TTC29: variants seen among roughly 807,000 people sequenced by gnomAD.
TTC29 encodes the protein tetratricopeptide repeat domain 29.
TTC29 carries 49 observed loss-of-function variants against 58.1 expected under a neutral mutation model. The observed-to-expected ratio is 0.84, with a 90% CI of 0.67 to 1.07. TTC29 has a LOEUF of 1.07. TTC29 is among the 50% of genes least tolerant of loss of function. The pLI, the probability that TTC29 is intolerant of heterozygous loss-of-function variation, is 0.00. For synonymous variants in TTC29, 209 were observed against 196.8 expected, an observed-to-expected ratio of 1.06 and a Z score of -0.52; for missense variants, 582 against 555.6, an observed-to-expected ratio of 1.05 and a Z score of -0.48.
At chr4:146,926,418 C>T (rs937785778) in intron 4 of TTC29, among the ~76,000 whole-genome samples, 2 of 151,812 alleles carry the variant, frequency 1.3e-5, no homozygotes, top group East Asian at 1.9e-4. Flanking sequence ...TATTTATTTG[C>T]CTTCTATTTT....
At chr4:146,780,302 GGTGTGTGTGTGTGTGTGTGTGT>G (rs57951745) in intron 11 of TTC29, among the ~76,000 whole-genome samples, 5 of 138,542 alleles carry the variant, frequency 3.6e-5, no homozygotes, top group Middle Eastern at 3.7e-3. Context: ...CCTAACTTGG[GGTGTGTGTGTGTGTGTGTGTGT>G]GTGTGTGTGT....
At position 146,797,832 on chromosome 4, in the gene TTC29, TTATATA is replaced by T. The variant is rs70958528; in HGVS notation, c.1330+5619_1330+5624del. Among the ~76,000 whole-genome samples, 598 of 130,048 alleles carry T rather than the reference TTATATA, an allele frequency of 4.6e-3. 9 individuals are homozygous for T. Among genetic ancestry groups the T allele is most frequent in the African/African-American group, 0.016 (554 of 34,590 alleles). The allele number at this position is 130,048 out of a possible 152,430, so 85.3% of individuals were successfully genotyped here. A position where few individuals can be genotyped will look rare whatever the true frequency, so the allele number is the denominator to read the frequency against. ...ACAACTGGCCACTGATTACTTTGTT[TTATATA>T]TATATATATATATATATATATATTC... On this transcript the variant is annotated intron_variant, in intron 11 of 12. Coordinates refer to ENST00000325106, the MANE Select transcript of TTC29 (RefSeq NM_031956.4).
chr4:146,939,257 C>T (rs1055911904), intron 3 of TTC29, among the ~76,000 whole-genome samples: 18 of 152,140 alleles, frequency 1.2e-4, no homozygotes, highest in Non-Finnish European at 2.6e-4. Context: ...GAGTTCAAGA[C>T]CAGCCTGACC....
At chr4:146,935,417 A>G (rs186269423) in intron 4 of TTC29, among the ~76,000 whole-genome samples, 45 of 152,312 alleles carry the variant, frequency 3.0e-4, no homozygotes, top group African/African-American at 1.0e-3. Context: ...ATTTGAGGAT[A>G]TATCTTAGAC....
chr4:146,858,594 A>C, intron 8 of TTC29, among the ~76,000 whole-genome samples: 1 of 152,222 alleles, frequency 6.6e-6, no homozygotes, highest in Non-Finnish European at 1.5e-5. Context: ...GTGATTTCAT[A>C]GATGTATGAT....
At chr4:146,728,860 C>CATATATGTGTATATATATACAT (rs1744101369) in intron 11 of TTC29, among the ~76,000 whole-genome samples, 2 of 62,022 alleles carry the variant, frequency 3.2e-5, no homozygotes, top group African/African-American at 8.7e-5. Context: ...TATATATACA[C>CATATATGTGTATATATATACAT]ATATATATGT....
intron 4 of TTC29, among the ~76,000 whole-genome samples, chr4:146,910,602 T>C (rs1353931025): frequency 6.6e-6 from 1 of 152,038 alleles, no homozygotes; most frequent in Non-Finnish European, 1.5e-5. Flanking sequence ...AAGTTTGGAC[T>C]CCAAGCTGGG....
At chr4:146,745,975 A>G (rs568354724) in intron 11 of TTC29, among the ~76,000 whole-genome samples, 16 of 152,250 alleles carry the variant, frequency 1.1e-4, no homozygotes, top group Admixed American at 5.9e-4. Flanking sequence ...CAACAGGAAA[A>G]CCTATTTGCA....
chr4:146,885,411 G>A (rs1191435339), intron 6 of TTC29, among the ~76,000 whole-genome samples: 1 of 151,864 alleles, frequency 6.6e-6, no homozygotes, highest in South Asian at 2.1e-4. Context: ...ATTCTATTCT[G>A]TTATATATCC....
intron 6 of TTC29, among the ~76,000 whole-genome samples, chr4:146,879,410 T>TATTA (rs35446383): frequency 0.18 from 28,049 of 151,974 alleles, 4,046 homozygotes; most frequent in African/African-American, 0.4. Flanking sequence ...ACGGTTCTGA[T>TATTA]ATTAAGACTA....
intron 11 of TTC29, among the ~76,000 whole-genome samples, chr4:146,708,894 T>G (rs191778755): frequency 2.0e-5 from 3 of 152,254 alleles, no homozygotes; most frequent in South Asian, 2.1e-4. Context: ...CCATTTTTGT[T>G]ATTGATTTTC....
chr4:146,942,907 A>G, intron 2 of TTC29: 1 of 307,244 alleles, frequency 3.3e-6, no homozygotes, highest in Non-Finnish European at 5.9e-6. Context: ...AATTTCCTTG[A>G]ATACTAAGAA....
chr4:146,929,942 A>G (rs1371277705), intron 4 of TTC29, among the ~76,000 whole-genome samples: 1 of 151,632 alleles, frequency 6.6e-6, no homozygotes, highest in Non-Finnish European at 1.5e-5. Context: ...AGTGGTATGT[A>G]GAAAATTGGG....
chr4:146,816,468 A>T (rs1386944439), intron 10 of TTC29, among the ~76,000 whole-genome samples: 1 of 152,130 alleles, frequency 6.6e-6, no homozygotes, highest in Non-Finnish European at 1.5e-5. Context: ...GCAAAACCTG[A>T]GCACAGCTAG....
At chr4:146,845,864 C>T (rs1729134663) in intron 8 of TTC29, among the ~76,000 whole-genome samples, 1 of 152,070 alleles carries the variant, frequency 6.6e-6, no homozygotes, top group Admixed American at 6.6e-5. Context: ...GCTATTCTAG[C>T]ACTCACCACA....
At chr4:146,906,400 TG>T (rs1386698427) in intron 5 of TTC29, among the ~76,000 whole-genome samples, 1 of 152,246 alleles carries the variant, frequency 6.6e-6, no homozygotes, top group Non-Finnish European at 1.5e-5. Flanking sequence ...CCTAGAGTGA[TG>T]GTTCTTCCAA....
At chr4:146,726,889 A>T (rs1454547281) in intron 11 of TTC29, among the ~76,000 whole-genome samples, 1 of 152,066 alleles carries the variant, frequency 6.6e-6, no homozygotes, top group Non-Finnish European at 1.5e-5. Flanking sequence ...TACTTTAAAA[A>T]TTAAAAAATT....
chr4:146,789,364 A>G (rs1197875622), intron 11 of TTC29, among the ~76,000 whole-genome samples: 1 of 152,200 alleles, frequency 6.6e-6, no homozygotes, highest in Non-Finnish European at 1.5e-5. Context: ...AAGCCCCTTC[A>G]TTAGAGATTC....
intron 11 of TTC29, among the ~76,000 whole-genome samples, chr4:146,776,491 G>A (rs1466372258): frequency 6.7e-6 from 1 of 149,950 alleles, no homozygotes; most frequent in East Asian, 2.0e-4. Context: ...GTTTGATTTT[G>A]GTTTCAGTTG....
Sources: allele counts gnomAD v4.1 joint callset (sites outside exome capture counted in the v4.1 genomes callset), GRCh38; gene constraint gnomAD v4.1.1; transcripts MANE v1.5; gene names NCBI Gene and HGNC (gene_info 2026-07-23, HGNC 2026-07-21).